C12orf42: variants seen among roughly 807,000 people sequenced by gnomAD.
The protein encoded by C12orf42 is uncharacterized protein C12orf42.
A neutral mutation model predicts 21.6 loss-of-function variants in C12orf42; 25 were observed. The observed-to-expected ratio is 1.16, with a 90% CI of 0.84 to 1.62. The LOEUF (loss-of-function observed/expected upper bound fraction) is 1.62. Ranked by LOEUF, C12orf42 falls within the 40% of genes most tolerant of loss-of-function variation. The pLI is 0.00. For missense variants in C12orf42, 483 were observed against 459.3 expected, an observed-to-expected ratio of 1.05 and a Z score of -0.47; for synonymous variants, 174 against 175.0, an observed-to-expected ratio of 0.99 and a Z score of 0.05.
At chr12:103,262,140 A>C (rs901829507) in intron 10 of C12orf42, 14 of 152,222 alleles carry the variant, frequency 9.2e-5, no homozygotes, top group African/African-American at 3.4e-4. Flanking sequence ...ATTAAGAGAA[A>C]TAAATCTGTA....
chr12:103,302,732 C>G (rs548299172), intron 5 of C12orf42, among the ~76,000 whole-genome samples, 173 bp from the exon 6 acceptor site: 8 of 150,682 alleles, frequency 5.3e-5, no homozygotes, highest in African/African-American at 1.7e-4. Flanking sequence ...CCATATTTCT[C>G]TAAGAAAACA....
chr12:103,450,071 A>G (rs1239397867), intron 2 of C12orf42, among the ~76,000 whole-genome samples: 1 of 152,016 alleles, frequency 6.6e-6, no homozygotes, highest in East Asian at 1.9e-4. Flanking sequence ...AATTAATTGT[A>G]TATATTGATT....
downstream of C12orf42, among the ~76,000 whole-genome samples, chr12:103,233,052 A>C (rs1236529333): frequency 6.6e-6 from 1 of 152,202 alleles, no homozygotes; most frequent in Non-Finnish European, 1.5e-5. Flanking sequence ...ACTTTGAACT[A>C]TACACTAAAT....
chr12:103,359,928 C>T (rs1222768528), intron 4 of C12orf42, among the ~76,000 whole-genome samples: 1 of 151,654 alleles, frequency 6.6e-6, no homozygotes, highest in African/African-American at 2.4e-5. Flanking sequence ...GAATCCTCAG[C>T]TTTAACCCAT....
chr12:103,093,738 C>A, the C12orf42 span, among the ~76,000 whole-genome samples: 1 of 152,190 alleles, frequency 6.6e-6, no homozygotes, highest in Non-Finnish European at 1.5e-5. Flanking sequence ...GAAGCTTCAT[C>A]TCAGCAAGCA....
At chr12:103,496,665 T>C (rs1007049198), upstream of C12orf42, among the ~76,000 whole-genome samples, 2 of 152,112 alleles carry the variant, frequency 1.3e-5, no homozygotes, top group African/African-American at 4.8e-5. Flanking sequence ...ACTCATAATA[T>C]ATAAATATTT....
At chr12:103,224,700 AGAGT>A in the C12orf42 span, among the ~76,000 whole-genome samples, 46 of 152,270 alleles carry the variant, frequency 3.0e-4, no homozygotes, top group African/African-American at 1.1e-3. Context: ...AGAACTGTAG[AGAGT>A]GAGTTGAGCA....
the C12orf42 span, among the ~76,000 whole-genome samples, chr12:103,507,144 T>G: frequency 7.9e-3 from 172 of 21,796 alleles, 3 homozygotes; most frequent in Non-Finnish European, 9.9e-3. Context: ...ATTATATATA[T>G]AATATAAATA....
At chr12:103,559,317 T>C in the C12orf42 span, 1 of 152,200 alleles carries the variant, frequency 6.6e-6, no homozygotes, top group Non-Finnish European at 1.5e-5. Flanking sequence ...TCACACACTA[T>C]TGCTGGAAGA....
At chr12:103,515,737 A>G in the C12orf42 span, among the ~76,000 whole-genome samples, 586 of 152,342 alleles carry the variant, frequency 3.8e-3, 1 homozygote, top group Middle Eastern at 0.01. Context: ...ACTGCATTAA[A>G]TAAAAAGAAA....
At chr12:103,501,129 G>A in the C12orf42 span, among the ~76,000 whole-genome samples, 2 of 152,216 alleles carry the variant, frequency 1.3e-5, no homozygotes, top group African/African-American at 2.4e-5. Flanking sequence ...ATTGTGAGAC[G>A]GCAATGCTTC....
upstream of C12orf42, among the ~76,000 whole-genome samples, chr12:103,500,125 A>G (rs1320081086): frequency 2.6e-5 from 4 of 152,244 alleles, no homozygotes; most frequent in Non-Finnish European, 5.9e-5. Context: ...CACATTTGCA[A>G]AAGTTTATGA....
chr12:103,327,529 G>T (rs1180378928), intron 4 of C12orf42, among the ~76,000 whole-genome samples: 4 of 152,166 alleles, frequency 2.6e-5, no homozygotes, highest in African/African-American at 9.7e-5. Context: ...GGTTGGTTGA[G>T]GAAAGGCAAT....
intron 2 of C12orf42, among the ~76,000 whole-genome samples, chr12:103,471,598 A>G (rs959897567): frequency 5.5e-4 from 84 of 152,348 alleles, no homozygotes; most frequent in Admixed American, 9.8e-4. Flanking sequence ...GTAAGGTAAC[A>G]CAGCCTCTAA....
chr12:103,262,151 T>TA (rs2136225804), intron 10 of C12orf42: 2 of 152,316 alleles, frequency 1.3e-5, no homozygotes, highest in South Asian at 4.1e-4. Context: ...TAAATCTGTA[T>TA]AAAAAATGTT....
the C12orf42 span, among the ~76,000 whole-genome samples, chr12:103,517,823 C>T: frequency 6.6e-6 from 1 of 152,008 alleles, no homozygotes; most frequent in African/African-American, 2.4e-5. Flanking sequence ...AAGAATAAAA[C>T]TATAAAGAGT....
chr12:103,052,085 GTTTC>G, the C12orf42 span, among the ~76,000 whole-genome samples: 1 of 152,074 alleles, frequency 6.6e-6, no homozygotes, highest in East Asian at 1.9e-4. Flanking sequence ...ATATTTAACA[GTTTC>G]TTTATTTTAC....
At chr12:103,055,071 A>G in the C12orf42 span, among the ~76,000 whole-genome samples, 1 of 151,978 alleles carries the variant, frequency 6.6e-6, no homozygotes, top group Non-Finnish European at 1.5e-5. Flanking sequence ...ACATTTGGAT[A>G]ATACTCCTTA....
At chr12:103,231,760 C>T in the C12orf42 span, among the ~76,000 whole-genome samples, 2 of 152,152 alleles carry the variant, frequency 1.3e-5, no homozygotes, top group African/African-American at 4.8e-5. Flanking sequence ...ATGAATAAAG[C>T]TGTTATACAC....
Sources: allele counts gnomAD v4.1 joint callset (sites outside exome capture counted in the v4.1 genomes callset), GRCh38; gene constraint gnomAD v4.1.1; transcripts MANE v1.5; gene names NCBI Gene and HGNC (gene_info 2026-07-23, HGNC 2026-07-21).